DDI1: variants seen among roughly 807,000 people sequenced by gnomAD.
DDI1 encodes the protein DDI proteasomal shuttling factor 1.
In DDI1, 6 loss-of-function variants were observed where a neutral mutation model predicts 7.2. The ratio of observed to expected loss-of-function variants is 0.83; its 90% CI spans 0.46 to 1.64. The LOEUF (loss-of-function observed/expected upper bound fraction) is 1.64. DDI1 is among the 40% of genes most tolerant of loss of function. The pLI is 0.01. For missense variants in DDI1, 502 were observed against 516.6 expected (o/e 0.97, Z 0.27); for synonymous variants, 221 against 201.7 (o/e 1.10, Z -0.81).
rs1233771511 is a variant in DDI1, at chr11:104,038,972, T to C, written c.*959T>C. On this transcript the variant is annotated 3_prime_UTR_variant, in exon 1 of 1. Coordinates refer to ENST00000302259, the MANE Select transcript of DDI1 (RefSeq NM_001001711.3). ...TGTTAAAATAACATTTGAAAACTTTTGAATGAGAAGATCTCTAAGGCCTCA... is the reference window on the plus strand; with the variant it reads ...TGTTAAAATAACATTTGAAAACTTTCGAATGAGAAGATCTCTAAGGCCTCA... The C allele has an allele frequency of 6.0e-6, 1 of 167,090 alleles. No homozygotes were observed. The highest frequency in any genetic ancestry group is 6.5e-5 in the Admixed American group (1 of 15,290). The allele number at this position is 167,090 out of a possible 1,614,324, so 10.4% of individuals were successfully genotyped here.
Position 104,037,968 on chromosome 11 carries a change from G to A in DDI1, c.1146G>A (p.Lys382=), listed in dbSNP as rs781374012. 3.1e-6 allele frequency: 5 copies of A among 1,614,040 alleles called. No individual in the cohort carries two copies. The South Asian group carries it at 5.5e-5, about 18-fold the overall frequency. The change falls in exon 1 of 1, where the codon AAG becomes AAA. Residue 382 remains lysine (K), a synonymous_variant. Coordinates refer to ENST00000302259, the MANE Select transcript of DDI1 (RefSeq NM_001001711.3). ...GTGGGCAAGATGAGTCTTCGGACAA[G>A]GAAATTACACATTCAGTCATGGATT... ...MVSGQDESSD[K]EITHSVMDSG... is the part of the protein sequence containing the mutation.
In DDI1 at chr11:104,037,192, C is replaced by T. The variant is rs865913257; in HGVS notation, c.370C>T (p.Arg124Trp). 2.0e-5 allele frequency: 33 copies of T among 1,613,590 alleles called. No homozygotes were observed. The Middle Eastern group carries it at 4.9e-4, about 24-fold the overall frequency. Residue 124 changes from arginine to tryptophan, a missense_variant, in exon 1 of 1, where the codon CGG (arginine) becomes TGG (tryptophan). Physicochemically the swap from Arg to Trp is moderately radical, Grantham distance 101. Transcript: ENST00000302259. ...GCAGCAGCGCACACCCGCTGCCCAG[C>T]GGTCACAGGGCTTGGCGTCAGGAGA... Reference protein sequence around the residue: ...QQQQRTPAAQRSQGLASGEKV... With the variant: ...QQQQRTPAAQWSQGLASGEKV...
At position 104,037,935 on chromosome 11, in the gene DDI1, G is replaced by A. The variant is rs1860280912; in HGVS notation, c.1113G>A (p.Arg371=). The change falls in exon 1 of 1, where the codon AGG becomes AGA. Residue 371 remains arginine, a synonymous_variant. Coordinates refer to ENST00000302259, the MANE Select transcript of DDI1 (RefSeq NM_001001711.3). The part of the protein sequence containing the change: ...LPEGELPLCS[R]MVSGQDESSD... ...AGGGAGAGTTGCCCTTATGCTCTAG[G>A]ATGGTAAGTGGGCAAGATGAGTCTT... 7 of 1,614,140 alleles carry A rather than the reference G, an allele frequency of 4.3e-6. No homozygotes were observed. The highest frequency in any genetic ancestry group is 5.9e-6 in the Non-Finnish European group (7 of 1,180,036).
chr11:104,037,229 G>A lies in DDI1; in HGVS notation c.407G>A (p.Gly136Asp), dbSNP rs1415005171. 1 of 1,613,688 alleles carries A rather than the reference G, an allele frequency of 6.2e-7. No homozygotes were observed. The highest frequency in any genetic ancestry group is 1.1e-5 in the South Asian group (1 of 91,074). ...QGLASGEKVA[G>D]LQGLGSPALI... ...TTGGCGTCAGGAGAGAAGGTGGCCGGCCTGCAAGGTCTGGGCAGCCCCGCC... is the reference window on the plus strand; with the variant it reads ...TTGGCGTCAGGAGAGAAGGTGGCCGACCTGCAAGGTCTGGGCAGCCCCGCC... The change falls in exon 1 of 1, where the codon GGC becomes GAC. Residue 136 changes from glycine to aspartate, a missense_variant. By Grantham distance (94) the Gly-to-Asp change is moderately conservative. Transcript: ENST00000302259.
In DDI1 at chr11:104,038,232, G is replaced by T; in HGVS notation, c.*219G>T. ...CCAGAGATCACTGAAAGGCATCCTG[G>T]GAAGGCTCTGGAGGCTCCAGCTGAT... On this transcript the variant is annotated 3_prime_UTR_variant, in exon 1 of 1. Transcript: ENST00000302259. The T allele has an allele frequency of 1.9e-6, 1 of 539,624 alleles. No individual in the cohort carries two copies. Among genetic ancestry groups the T allele is most frequent in the Non-Finnish European group, 3.3e-6 (1 of 300,250 alleles). The allele number at this position is 539,624 out of a possible 1,614,324, so 33.4% of individuals were successfully genotyped here.
At position 104,037,134 on chromosome 11, in the gene DDI1, G is replaced by A. The variant is rs776400594; in HGVS notation, c.312G>A (p.Thr104=). The A allele has an allele frequency of 1.1e-5, 17 of 1,613,660 alleles. No individual in the cohort carries two copies. Among genetic ancestry groups the A allele is most frequent in the Non-Finnish European group, 1.4e-5 (17 of 1,180,014 alleles). The change falls in exon 1 of 1, where the codon ACG becomes ACA. Residue 104 remains threonine, a synonymous_variant. Coordinates refer to ENST00000302259, the MANE Select transcript of DDI1 (RefSeq NM_001001711.3). ...TCAGTGGCATTGCGGTGCCTGGGAC[G>A]TCCAGCTCCCGTCCACAGCACCCTG... is the stretch of plus-strand genomic sequence containing the variant. ...VDFSGIAVPG[T]SSSRPQHPGQ...
In DDI1 at chr11:104,037,673, G is replaced by A. The variant is rs756071429; in HGVS notation, c.851G>A (p.Arg284Gln). Residue 284 changes from arginine (R) to glutamine (Q), a missense_variant, in exon 1 of 1, where the codon CGA (arginine) becomes CAA (glutamine). Physicochemically the swap from Arg to Gln is conservative, Grantham distance 43. Transcript: ENST00000302259. The part of the protein sequence containing the change: ...ERCNIMRLVD[R>Q]RWAGVAKGVG... ...TGTAACATCATGAGGCTGGTGGACC[G>A]ACGGTGGGCTGGGGTTGCTAAAGGA... 4 of 1,614,026 alleles carry A rather than the reference G, an allele frequency of 2.5e-6. No homozygotes were observed. The highest frequency in any genetic ancestry group is 2.7e-5 in the African/African-American group (2 of 74,908).
chr11:104,037,813 G>A lies in DDI1; in HGVS notation c.991G>A (p.Gly331Ser). The A allele has an allele frequency of 6.2e-7, 1 of 1,614,112 alleles. No individual in the cohort carries two copies. Among genetic ancestry groups the A allele is most frequent in the Non-Finnish European group, 8.5e-7 (1 of 1,180,010 alleles). ...GGATCAACCCATGGATATGCTTCTA[G>A]GCCTAGATATGCTCCGGAGACATCA... ...LEDQPMDMLL[G>S]LDMLRRHQCS... The change falls in exon 1 of 1, where the codon GGC (glycine) becomes AGC (serine). Residue 331 changes from glycine to serine, a missense_variant. Gly to Ser is a moderately conservative substitution (Grantham distance 56, BLOSUM62 0). Transcript: ENST00000302259.
Position 104,038,208 on chromosome 11 carries a change from C to T in DDI1, c.*195C>T. The T allele has an allele frequency of 1.7e-6, 1 of 604,566 alleles. No individual in the cohort carries two copies. The highest frequency in any genetic ancestry group is 2.9e-6 in the Non-Finnish European group (1 of 345,804). The allele number at this position is 604,566 out of a possible 1,614,324, so 37.5% of individuals were successfully genotyped here. A position where few individuals can be genotyped will look rare whatever the true frequency, so the allele number is the denominator to read the frequency against. ...TGGTCCCTCTTCCATTTCCCTTGTC[C>T]AGAGATCACTGAAAGGCATCCTGGG... On this transcript the variant is annotated 3_prime_UTR_variant, in exon 1 of 1. Coordinates refer to ENST00000302259, the MANE Select transcript of DDI1 (RefSeq NM_001001711.3).
rs557255876 is a variant in DDI1, at chr11:104,037,296, C to T, written c.474C>T (p.Ser158=). 1.4e-4 allele frequency: 230 copies of T among 1,613,292 alleles called. No homozygotes were observed. Among genetic ancestry groups the T allele is most frequent in the Non-Finnish European group, 1.9e-4 (219 of 1,179,458 alleles). The change falls in exon 1 of 1, where the codon TCC becomes TCT. Residue 158 remains serine, a synonymous_variant. Transcript: ENST00000302259. ...SMLLSNPHDL[S]LLKERNPPLA... ...TGCTCTCCAACCCCCACGATCTGTC[C>T]CTGCTCAAGGAACGCAACCCTCCCT... is the stretch of plus-strand genomic sequence containing the variant.
rs938036781 is a variant in DDI1, at chr11:104,036,814, G to C, written c.-9G>C. On this transcript the variant is annotated 5_prime_UTR_variant, in exon 1 of 1. Coordinates refer to ENST00000302259, the MANE Select transcript of DDI1 (RefSeq NM_001001711.3). The stretch of plus-strand genomic sequence containing the variant: ...CCCTCTGCTAGCCCGGCCCGCCCGG[G>C]CCCCCGCCATGCTGATCACCGTGTA... 1 of 1,608,114 alleles carries C rather than the reference G, an allele frequency of 6.2e-7. No homozygotes were observed. Among genetic ancestry groups the C allele is most frequent in the East Asian group, 2.2e-5 (1 of 44,708 alleles).
At position 104,037,118 on chromosome 11, in the gene DDI1, T is replaced by C. The variant is rs995778078; in HGVS notation, c.296T>C (p.Ile99Thr). 8.7e-6 allele frequency: 14 copies of C among 1,614,008 alleles called. No homozygotes were observed. Among genetic ancestry groups the C allele is most frequent in the African/African-American group, 1.3e-5 (1 of 75,034 alleles). ...PNQPRVDFSGIAVPGTSSSRP... is the reference protein window; with the variant it reads ...PNQPRVDFSGTAVPGTSSSRP... Reference sequence around the variant, plus strand: ...CAGCCTCGTGTAGACTTCAGTGGCATTGCGGTGCCTGGGACGTCCAGCTCC... The same window carrying C: ...CAGCCTCGTGTAGACTTCAGTGGCACTGCGGTGCCTGGGACGTCCAGCTCC... Residue 99 changes from isoleucine (I) to threonine (T), a missense_variant, in exon 1 of 1, where the codon ATT becomes ACT. Physicochemically the swap from Ile to Thr is moderately conservative, Grantham distance 89. Coordinates refer to ENST00000302259, the MANE Select transcript of DDI1 (RefSeq NM_001001711.3).
Position 104,036,919 on chromosome 11 carries a change from C to T in DDI1, c.97C>T (p.Leu33Phe), listed in dbSNP as rs1346231127. ...CTTTGAGCTCCGAAACTTCAAGGTC[C>T]TCTGCGAAGCGGAGTCCAGAGTCCC... ...PDFELRNFKVLCEAESRVPVE... is the reference protein window; with the variant it reads ...PDFELRNFKVFCEAESRVPVE... Residue 33 changes from leucine to phenylalanine, a missense_variant, in exon 1 of 1, where the codon CTC (leucine) becomes TTC (phenylalanine). Physicochemically the swap from Leu to Phe is conservative, Grantham distance 22 (BLOSUM62 0). Transcript: ENST00000302259. 4 of 1,614,092 alleles carry T rather than the reference C, an allele frequency of 2.5e-6. No homozygotes were observed. Among genetic ancestry groups the T allele is most frequent in the Admixed American group, 1.7e-5 (1 of 60,014 alleles).
rs762998360 is a variant in DDI1 at position 104,038,024 on chromosome 11, A to C, written c.*11A>C. 1 of 1,604,058 alleles carries C rather than the reference A, an allele frequency of 6.2e-7. No homozygotes were observed. Among genetic ancestry groups the C allele is most frequent in the Non-Finnish European group, 8.5e-7 (1 of 1,172,872 alleles). Reference sequence around the variant, plus strand: ...CGAAAAGAGCATTAAAGCACGTTATAAATATGTTACCACCTTGAGGGAGCC... The same window carrying C: ...CGAAAAGAGCATTAAAGCACGTTATCAATATGTTACCACCTTGAGGGAGCC... On this transcript the variant is annotated 3_prime_UTR_variant, in exon 1 of 1. Coordinates refer to ENST00000302259, the MANE Select transcript of DDI1 (RefSeq NM_001001711.3).
chr11:104,037,234 C>A lies in DDI1; in HGVS notation c.412C>A (p.Gln138Lys). The A allele has an allele frequency of 6.2e-7, 1 of 1,613,800 alleles. No homozygotes were observed. The highest frequency in any genetic ancestry group is 8.5e-7 in the Non-Finnish European group (1 of 1,179,992). The change falls in exon 1 of 1, where the codon CAA becomes AAA. Residue 138 changes from glutamine (Q) to lysine (K), a missense_variant. Physicochemically the swap from Gln to Lys is moderately conservative, Grantham distance 53 (BLOSUM62 1). Coordinates refer to ENST00000302259, the MANE Select transcript of DDI1 (RefSeq NM_001001711.3). ...LASGEKVAGL[Q>K]GLGSPALIRS... ...GTCAGGAGAGAAGGTGGCCGGCCTG[C>A]AAGGTCTGGGCAGCCCCGCCCTGAT...
At position 104,037,600 on chromosome 11, in the gene DDI1, G is replaced by A; in HGVS notation, c.778G>A (p.Asp260Asn). 6.2e-7 allele frequency: 1 copy of A among 1,614,116 alleles called. No individual in the cohort carries two copies. The highest frequency in any genetic ancestry group is 8.5e-7 in the Non-Finnish European group (1 of 1,180,018). ...VNGHPLKAFV[D>N]SGAQMTIMSQ... is the part of the protein sequence containing the mutation. ...TGGGCATCCTTTGAAGGCTTTTGTTGACTCGGGCGCCCAGATGACCATTAT... is the reference window on the plus strand; with the variant it reads ...TGGGCATCCTTTGAAGGCTTTTGTTAACTCGGGCGCCCAGATGACCATTAT... Residue 260 changes from aspartate to asparagine, a missense_variant, in exon 1 of 1, where the codon GAC (aspartate) becomes AAC (asparagine). By Grantham distance (23) the Asp-to-Asn change is conservative (BLOSUM62 1). Coordinates refer to ENST00000302259, the MANE Select transcript of DDI1 (RefSeq NM_001001711.3).
rs769083655 is a variant in DDI1 at position 104,036,691 on chromosome 11, G to A, written c.-132G>A. On this transcript the variant is annotated 5_prime_UTR_variant, in exon 1 of 1. Transcript: ENST00000302259. ...CAGATGAGTGTCCGCGCCTCTCTGA[G>A]AGGTGAATGAGCCCGGACGGTCCCT... The A allele has an allele frequency of 4.3e-5, 31 of 714,878 alleles. No individual in the cohort carries two copies. Among genetic ancestry groups the A allele is most frequent in the Non-Finnish European group, 7.4e-5 (31 of 418,310 alleles). The allele number at this position is 714,878 out of a possible 1,614,324, so 44.3% of individuals were successfully genotyped here.
chr11:104,037,895 C>T lies in DDI1; in HGVS notation c.1073C>T (p.Thr358Ile), dbSNP rs1860279712. 2 of 1,614,154 alleles carry T rather than the reference C, an allele frequency of 1.2e-6. No individual in the cohort carries two copies. The highest frequency in any genetic ancestry group is 1.7e-6 in the Non-Finnish European group (2 of 1,180,042). The change falls in exon 1 of 1, where the codon ACT (threonine) becomes ATT (isoleucine). Residue 358 changes from threonine to isoleucine, a missense_variant. By Grantham distance (89) the Thr-to-Ile change is moderately conservative (BLOSUM62 -1). Transcript: ENST00000302259. ...GTCATCGGCACCACTGGCACGCAGA[C>T]TTATTTTCTTCCTGAGGGAGAGTTG... ...VLVIGTTGTQ[T>I]YFLPEGELPL...
rs1313793467 is a variant in DDI1 at position 104,038,297 on chromosome 11, T to TTA, written c.*285_*286dup. The stretch of plus-strand genomic sequence containing the variant: ...TGAAAAAGAAAACCAGCTTCTTCCT[T>TTA]TAGAGACACTATCCTATCAGATTAC... On this transcript the variant is annotated 3_prime_UTR_variant, in exon 1 of 1. Coordinates refer to ENST00000302259, the MANE Select transcript of DDI1 (RefSeq NM_001001711.3). The TTA allele has an allele frequency of 2.7e-6, 1 of 375,484 alleles. No homozygotes were observed. Among genetic ancestry groups the TTA allele is most frequent in the Non-Finnish European group, 5.0e-6 (1 of 198,122 alleles). The allele number at this position is 375,484 out of a possible 1,614,324, so 23.3% of individuals were successfully genotyped here.
Sources: gnomAD v4.1 joint callset for allele counts on GRCh38, gnomAD v4.1.1 for gene constraint, MANE v1.5 for transcripts, NCBI Gene and HGNC (gene_info 2026-07-23, HGNC 2026-07-21) for gene names.